ACTN1: variants seen among roughly 807,000 people sequenced by gnomAD.
ACTN1 encodes alpha-actinin-1.
A neutral mutation model predicts 119.6 loss-of-function variants in ACTN1; 30 were observed. That is an observed-to-expected ratio of 0.25 (90% CI 0.19 to 0.34). The LOEUF (loss-of-function observed/expected upper bound fraction) is 0.34. ACTN1 is among the 10% of genes least tolerant of loss of function. The probability of loss-of-function intolerance (pLI) is 1.00; values close to 1 mark genes in which losing one functional copy is unlikely to be tolerated. For missense variants in ACTN1, 764 were observed against 1,223.4 expected, an observed-to-expected ratio of 0.62 and a Z score of 5.60; for synonymous variants, 429 against 472.6, an observed-to-expected ratio of 0.91 and a Z score of 1.20.
chr14:68,977,468 T>C (rs2037097567), intron 1 of ACTN1: 1 of 155,756 alleles, frequency 6.4e-6, no homozygotes, highest in Admixed American at 6.4e-5. Context: ...ATGTCCGATG[T>C]AGATGACCGA....
At chr14:68,954,452 C>T (rs1350270532) in intron 1 of ACTN1, among the ~76,000 whole-genome samples, 1 of 152,092 alleles carries the variant, frequency 6.6e-6, no homozygotes, top group Non-Finnish European at 1.5e-5. Flanking sequence ...CTCAGCCTCC[C>T]GAGTAGCTGG....
In ACTN1 at chr14:68,882,829, C is replaced by T. The variant is rs994449555; in HGVS notation, c.1818+44G>A. On this transcript the variant is annotated intron_variant, in intron 15 of 21. Coordinates refer to ENST00000394419, the MANE Select transcript of ACTN1 (RefSeq NM_001130004.2). The surrounding 1 kb of genome is among the most constrained non-coding windows in gnomAD (Gnocchi z 4.5). ...AATTAAAATGGACAAAAATCCCTGC[C>T]TTTATGAAACTTACAATGGCTCGGC... is the stretch of plus-strand genomic sequence containing the variant. The T allele has an allele frequency of 6.3e-7, 1 of 1,591,564 alleles. No individual in the cohort carries two copies. Among genetic ancestry groups the T allele is most frequent in the African/African-American group, 1.3e-5 (1 of 74,346 alleles).
intron 1 of ACTN1, among the ~76,000 whole-genome samples, chr14:68,942,236 C>T (rs1420212435): frequency 1.3e-5 from 2 of 152,202 alleles, no homozygotes; most frequent in East Asian, 3.9e-4. Flanking sequence ...AAATGTTAGC[C>T]AGGCATGATG....
chr14:68,960,752 A>C (rs1449932888), intron 1 of ACTN1, among the ~76,000 whole-genome samples: 1 of 151,700 alleles, frequency 6.6e-6, no homozygotes, highest in African/African-American at 2.4e-5. Flanking sequence ...CTCTATTAAA[A>C]AAAAAAAAAA....
At chr14:68,907,691 G>T (rs2033751769) in intron 6 of ACTN1, among the ~76,000 whole-genome samples, 1 of 152,202 alleles carries the variant, frequency 6.6e-6, no homozygotes, top group African/African-American at 2.4e-5. Context: ...TGCTAACTGG[G>T]TATCAGAAAG....
intron 10 of ACTN1, among the ~76,000 whole-genome samples, chr14:68,890,929 CAT>C (rs1179293416): frequency 6.6e-6 from 1 of 152,228 alleles, no homozygotes; most frequent in Admixed American, 6.5e-5. Context: ...ACCCTCCCCA[CAT>C]GTCCCCAGGC....
At chr14:68,877,317 G>A in intron 20 of ACTN1, 77 bp from the exon 21 acceptor site, 2 of 1,566,762 alleles carry the variant, frequency 1.3e-6, no homozygotes, top group Non-Finnish European at 1.7e-6. Flanking sequence ...AAGACCCTGG[G>A]GGCTCAGAGC....
intron 3 of ACTN1, among the ~76,000 whole-genome samples, chr14:68,917,738 A>G (rs1043951212): frequency 1.3e-5 from 2 of 152,194 alleles, no homozygotes; most frequent in Non-Finnish European, 2.9e-5. Context: ...CTGGCTCCTC[A>G]GGGCAGGGAG....
intron 3 of ACTN1, 58 bp from the exon 4 acceptor site, chr14:68,912,300 C>T: frequency 7.2e-7 from 1 of 1,380,514 alleles, no homozygotes; most frequent in Non-Finnish European, 1.0e-6. Flanking sequence ...AGAATTAACA[C>T]TCCCTCAGCA....
At chr14:68,921,274 A>C (rs1241969001) in intron 2 of ACTN1, 149 bp from the exon 3 acceptor site, 17 of 930,380 alleles carry the variant, frequency 1.8e-5, no homozygotes, top group Non-Finnish European at 2.4e-5. Flanking sequence ...CACGCTGCTC[A>C]GGGGCTGGAG....
In ACTN1 at chr14:68,885,998, C is replaced by T. The variant is rs2031973803; in HGVS notation, c.1235-423G>A. On this transcript the variant is annotated intron_variant, in intron 11 of 21. Transcript: ENST00000394419. This position sits in a 1 kb window ranked among gnomAD's most constrained non-coding sequence, Gnocchi z 5.6. ...GCTGCCGGCAGCCCTGCAGGGGCCCCTTCCCTCGGTCAGTGTGTCCAGTGC... is the reference window on the plus strand; with the variant it reads ...GCTGCCGGCAGCCCTGCAGGGGCCCTTTCCCTCGGTCAGTGTGTCCAGTGC... 1 of 180,256 alleles carries T rather than the reference C, an allele frequency of 5.5e-6. No homozygotes were observed. The highest frequency in any genetic ancestry group is 5.4e-5 in the Admixed American group (1 of 18,356). 11.2% of individuals were successfully genotyped at this position (180,256 alleles called of 1,614,324 possible).
intron 1 of ACTN1, among the ~76,000 whole-genome samples, chr14:68,962,523 G>A (rs1046126822): frequency 1.1e-4 from 16 of 152,140 alleles, no homozygotes; most frequent in African/African-American, 3.9e-4. Context: ...GCCAGGCAAT[G>A]CAGAGCCCTC....
intron 1 of ACTN1, among the ~76,000 whole-genome samples, chr14:68,966,122 T>G (rs2036699321): frequency 6.6e-6 from 1 of 151,942 alleles, no homozygotes; most frequent in South Asian, 2.1e-4. Flanking sequence ...GAAACTGAGG[T>G]GGGAGACTCA....
chr14:68,948,195 G>A (rs1356643460), intron 1 of ACTN1, among the ~76,000 whole-genome samples: 1 of 148,424 alleles, frequency 6.7e-6, no homozygotes, highest in Non-Finnish European at 1.5e-5. Context: ...GAGGCACAAC[G>A]GTGACAAAAG....
At chr14:68,951,446 A>G (rs1266774271) in intron 1 of ACTN1, among the ~76,000 whole-genome samples, 1 of 152,178 alleles carries the variant, frequency 6.6e-6, no homozygotes, top group Non-Finnish European at 1.5e-5. Flanking sequence ...AATGGACAAG[A>G]CAGGGCCTTC....
chr14:68,936,377 C>T (rs1035057848), intron 1 of ACTN1, among the ~76,000 whole-genome samples: 2 of 152,130 alleles, frequency 1.3e-5, no homozygotes, highest in Non-Finnish European at 2.9e-5. Context: ...TAGCAGGACA[C>T]AGAAGGACCA....
chr14:68,921,571 G>A lies in ACTN1; in HGVS notation c.221-446C>T, dbSNP rs184931286. The stretch of plus-strand genomic sequence containing the variant: ...TCCATGCTCTTCAAAAGAGGAGGAG[G>A]AAGAGGAAGGAGGAACTGAGGAGTG... On this transcript the variant is annotated intron_variant, in intron 2 of 21. Coordinates refer to ENST00000394419, the MANE Select transcript of ACTN1 (RefSeq NM_001130004.2). 9.8e-5 allele frequency among the ~76,000 whole-genome samples: 15 copies of A among 152,320 alleles called. No individual in the cohort carries two copies. The East Asian group carries it at 2.3e-3, about 23-fold the overall frequency.
At chr14:68,898,970 C>T (rs1166388553) in intron 8 of ACTN1, among the ~76,000 whole-genome samples, 7 of 149,316 alleles carry the variant, frequency 4.7e-5, no homozygotes, top group Non-Finnish European at 9.0e-5. Context: ...CACACACACA[C>T]CACACACGCC....
chr14:68,947,510 C>A (rs1473988775), intron 1 of ACTN1: 1 of 152,288 alleles, frequency 6.6e-6, no homozygotes, highest in African/African-American at 2.4e-5. Context: ...AGTCAGACAG[C>A]AGAGCTTGCC....
Sources: allele counts gnomAD v4.1 joint callset (sites outside exome capture counted in the v4.1 genomes callset), GRCh38; gene constraint gnomAD v4.1.1; non-coding constraint Gnocchi (gnomAD v3.1); transcripts MANE v1.5; gene names NCBI Gene and HGNC (gene_info 2026-07-23, HGNC 2026-07-21).